Variants in LRRC4C observed in about 807,000 individuals in gnomAD.
The protein encoded by LRRC4C is leucine-rich repeat-containing protein 4C.
A neutral mutation model predicts 33.6 loss-of-function variants in LRRC4C; 5 were observed. The observed-to-expected ratio is 0.15, with a 90% CI of 0.08 to 0.31. LRRC4C has a LOEUF of 0.31. Among genes scored for constraint, LRRC4C ranks in the 10% least tolerant of loss-of-function variants. The pLI is 1.00. For synonymous variants in LRRC4C, 329 were observed against 302.0 expected, an observed-to-expected ratio of 1.09 and a Z score of -0.93; for missense variants, 560 against 796.7, an observed-to-expected ratio of 0.70 and a Z score of 3.58.
intron 4 of LRRC4C, among the ~76,000 whole-genome samples, chr11:40,316,378 A>G (rs1945573747): frequency 6.6e-6 from 1 of 152,010 alleles, no homozygotes; most frequent in South Asian, 2.1e-4. Context: ...GGCTGTTTGG[A>G]ACTTTACTTG....
intron 3 of LRRC4C, among the ~76,000 whole-genome samples, chr11:40,545,559 G>A (rs541518775): frequency 1.6e-3 from 248 of 152,060 alleles, no homozygotes; most frequent in African/African-American, 5.5e-3. Flanking sequence ...CAAGATGTAA[G>A]TATATTTAGC....
chr11:41,297,431 A>G (rs1950173768), intron 1 of LRRC4C, among the ~76,000 whole-genome samples: 1 of 152,160 alleles, frequency 6.6e-6, no homozygotes, highest in Non-Finnish European at 1.5e-5. Context: ...CTCCAGCTCT[A>G]TTTTCTTGGA....
chr11:41,012,660 TAG>T (rs1855293358), intron 1 of LRRC4C, among the ~76,000 whole-genome samples: 1 of 152,190 alleles, frequency 6.6e-6, no homozygotes, highest in Non-Finnish European at 1.5e-5. Flanking sequence ...AGAACCTCCA[TAG>T]AGTTTTACAT....
chr11:40,488,622 C>T (rs1257216999), intron 3 of LRRC4C, among the ~76,000 whole-genome samples: 1 of 152,066 alleles, frequency 6.6e-6, no homozygotes, highest in Non-Finnish European at 1.5e-5. Flanking sequence ...ACTGAATCTT[C>T]TCTTTCAGCA....
chr11:40,845,906 C>A (rs1953135374), intron 2 of LRRC4C, among the ~76,000 whole-genome samples: 1 of 151,862 alleles, frequency 6.6e-6, no homozygotes, highest in Non-Finnish European at 1.5e-5. Context: ...CATTGTGGTT[C>A]TGATTTGAAT....
rs1428574182 is a variant in LRRC4C at position 40,894,505 on chromosome 11, A to C, written c.-407+39130T>G. On this transcript the variant is annotated intron_variant, in intron 2 of 6. Coordinates refer to ENST00000528697, the MANE Select transcript of LRRC4C (RefSeq NM_001258419.2). ...TATTTTTCTGAATAGAGAAGAAATA[A>C]ATTTACAAAATATTATGAAAGAATT... Among the ~76,000 whole-genome samples, 3 of 152,302 alleles carry C rather than the reference A, an allele frequency of 2.0e-5. No individual in the cohort carries two copies. The East Asian group carries it at 5.8e-4, about 29-fold the overall frequency.
chr11:40,883,758 T>C (rs1019004597), intron 2 of LRRC4C, among the ~76,000 whole-genome samples: 1 of 152,040 alleles, frequency 6.6e-6, no homozygotes, highest in Non-Finnish European at 1.5e-5. Flanking sequence ...CAAAACATGT[T>C]ATAAACATGG....
intron 1 of LRRC4C, among the ~76,000 whole-genome samples, chr11:41,121,114 T>C (rs1942405561): frequency 6.6e-6 from 1 of 152,174 alleles, no homozygotes; most frequent in African/African-American, 2.4e-5. Context: ...CTAAAAGTGC[T>C]TTGCCATCCT....
At chr11:40,483,869 A>G (rs1022941024) in intron 3 of LRRC4C, among the ~76,000 whole-genome samples, 4 of 151,836 alleles carry the variant, frequency 2.6e-5, no homozygotes, top group Non-Finnish European at 5.9e-5. Context: ...ACACTTAAGT[A>G]GAACTGATAT....
At chr11:40,201,460 C>G (rs987245244) in intron 5 of LRRC4C, among the ~76,000 whole-genome samples, 2 of 152,126 alleles carry the variant, frequency 1.3e-5, no homozygotes, top group African/African-American at 4.8e-5. Flanking sequence ...TCTACTTCTA[C>G]GAAATGAAGC....
chr11:41,225,088 C>T (rs1311827973), intron 1 of LRRC4C, among the ~76,000 whole-genome samples: 3 of 151,956 alleles, frequency 2.0e-5, no homozygotes, highest in African/African-American at 7.3e-5. Context: ...ACATTTTGAA[C>T]ACATGAGGAT....
At chr11:40,862,891 A>T (rs1057430301) in intron 2 of LRRC4C, among the ~76,000 whole-genome samples, 1 of 152,214 alleles carries the variant, frequency 6.6e-6, no homozygotes, top group Non-Finnish European at 1.5e-5. Context: ...ATTAAGTAGT[A>T]GTTCAGCTTC....
At chr11:40,550,283 C>T (rs1027195401) in intron 3 of LRRC4C, among the ~76,000 whole-genome samples, 1 of 152,118 alleles carries the variant, frequency 6.6e-6, no homozygotes, top group African/African-American at 2.4e-5. Flanking sequence ...AAATGGTATC[C>T]TTTTCATTCC....
At chr11:40,405,678 G>A (rs1283417626) in intron 3 of LRRC4C, among the ~76,000 whole-genome samples, 1 of 140,864 alleles carries the variant, frequency 7.1e-6, no homozygotes, top group Admixed American at 7.2e-5. Context: ...CAAAAGTAAG[G>A]AAGTGGACAA....
At chr11:40,536,503 G>C (rs1229057357) in intron 3 of LRRC4C, among the ~76,000 whole-genome samples, 1 of 152,072 alleles carries the variant, frequency 6.6e-6, no homozygotes, top group African/African-American at 2.4e-5. Flanking sequence ...CAAACAGTCT[G>C]TTTTAACAAG....
intron 3 of LRRC4C, among the ~76,000 whole-genome samples, chr11:40,399,125 T>A (rs1487397067): frequency 1.3e-5 from 2 of 152,194 alleles, no homozygotes; most frequent in South Asian, 2.1e-4. Context: ...GTAGAAGAGT[T>A]AGAAAGAACC....
chr11:40,635,779 G>A (rs1365554486), intron 3 of LRRC4C, among the ~76,000 whole-genome samples: 1 of 151,768 alleles, frequency 6.6e-6, no homozygotes, highest in African/African-American at 2.4e-5. Flanking sequence ...TGGGACTACA[G>A]GCGCCCGCCA....
At chr11:40,518,916 A>G (rs1328307233) in intron 3 of LRRC4C, among the ~76,000 whole-genome samples, 1 of 152,234 alleles carries the variant, frequency 6.6e-6, no homozygotes, top group Non-Finnish European at 1.5e-5. Flanking sequence ...ATGCAGCCAC[A>G]AAAAAGGATG....
chr11:41,218,375 A>T (rs1003563174), intron 1 of LRRC4C, among the ~76,000 whole-genome samples: 8 of 152,184 alleles, frequency 5.3e-5, no homozygotes, highest in African/African-American at 1.9e-4. Context: ...AAACCCCTCC[A>T]TTCTAGTTAC....
Sources: allele counts gnomAD v4.1 joint callset (sites outside exome capture counted in the v4.1 genomes callset), GRCh38; gene constraint gnomAD v4.1.1; transcripts MANE v1.5; gene names NCBI Gene and HGNC (gene_info 2026-07-23, HGNC 2026-07-21).